TMEM163: variants seen among roughly 807,000 people sequenced by gnomAD.
TMEM163 encodes transmembrane protein 163.
TMEM163 carries 17 observed loss-of-function variants against 29.3 expected under a neutral mutation model. The ratio of observed to expected loss-of-function variants is 0.58; its 90% confidence interval spans 0.40 to 0.87. The LOEUF (loss-of-function observed/expected upper bound fraction) is 0.87, where lower values mean the gene tolerates loss of function less well. Among genes scored for constraint, TMEM163 ranks in the 40% least tolerant of loss-of-function variants. The probability of loss-of-function intolerance (pLI) is 0.00; values close to 1 mark genes in which losing one functional copy is unlikely to be tolerated. For missense variants in TMEM163, 303 were observed against 381.5 expected, an observed-to-expected ratio of 0.79 and a Z score of 1.71; for synonymous variants, 157 against 160.6, an observed-to-expected ratio of 0.98 and a Z score of 0.17.
At chr2:134,714,490 C>T (rs1404972287) in intron 1 of TMEM163, among the ~76,000 whole-genome samples, 1 of 152,168 alleles carries the variant, frequency 6.6e-6, no homozygotes, top group Non-Finnish European at 1.5e-5. Flanking sequence ...CTCCAGTTGC[C>T]AAAAACCACA....
chr2:134,655,832 T>TG (rs1323334082), intron 2 of TMEM163, among the ~76,000 whole-genome samples: 1 of 141,334 alleles, frequency 7.1e-6, no homozygotes, highest in African/African-American at 3.0e-5. Context: ...CTGCCCCTGC[T>TG]GGGGGGTGCC....
At chr2:134,499,164 CT>C (rs1218025428) in intron 5 of TMEM163, among the ~76,000 whole-genome samples, 1 of 151,142 alleles carries the variant, frequency 6.6e-6, no homozygotes, top group Non-Finnish European at 1.5e-5. Flanking sequence ...ACCATTTTTA[CT>C]TGTTAATTAA....
At chr2:134,615,453 C>G (rs537248450) in intron 2 of TMEM163, among the ~76,000 whole-genome samples, 15 of 152,236 alleles carry the variant, frequency 9.9e-5, no homozygotes, top group African/African-American at 3.6e-4. Context: ...TAGCAGCAGA[C>G]CATCCACATC....
chr2:134,599,400 A>T (rs1682172783), intron 2 of TMEM163, among the ~76,000 whole-genome samples: 2 of 152,162 alleles, frequency 1.3e-5, no homozygotes, highest in South Asian at 4.1e-4. Flanking sequence ...TGATTAGGTC[A>T]TGAGGGTGGG....
intron 2 of TMEM163, among the ~76,000 whole-genome samples, chr2:134,625,506 G>C (rs1411383409): frequency 6.6e-6 from 1 of 152,220 alleles, no homozygotes; most frequent in Non-Finnish European, 1.5e-5. Context: ...CTGAGTCAGA[G>C]TCCGGAAGCA....
intron 4 of TMEM163, among the ~76,000 whole-genome samples, chr2:134,533,717 C>T (rs961292266): frequency 1.1e-4 from 17 of 152,146 alleles, no homozygotes; most frequent in Middle Eastern, 3.2e-3. Context: ...CCCGTGGCCT[C>T]CTACTGCTCC....
At chr2:134,682,131 T>G (rs977514649) in intron 2 of TMEM163, among the ~76,000 whole-genome samples, 14 of 152,196 alleles carry the variant, frequency 9.2e-5, no homozygotes, top group Admixed American at 8.5e-4. Flanking sequence ...GTTTTCTCAA[T>G]TCTCCCAGGC....
At position 134,502,954 on chromosome 2, in the gene TMEM163, A is replaced by G. The variant is rs766953910; in HGVS notation, c.502T>C (p.Cys168Arg). The G allele has an allele frequency of 3.7e-6, 6 of 1,614,064 alleles. No homozygotes were observed. Residue 168 changes from cysteine (C) to arginine (R), a missense_variant, in exon 5 of 8, where the codon TGT becomes CGT. Physicochemically the swap from Cys to Arg is radical, Grantham distance 180. Around this residue, in one of 2 missense-constraint regions of TMEM163, gnomAD observed 203 missense variants for 294.3 expected, o/e 0.69. Coordinates refer to ENST00000281924, the MANE Select transcript of TMEM163 (RefSeq NM_030923.5). ...LGVIFLLSSICIVVKAIHDLS... is the reference protein window; with the variant it reads ...LGVIFLLSSIRIVVKAIHDLS... ...TCATGGATGGCTTTGACCACTATAC[A>G]TATGGATGACAGAAGGAATATCACC... is the stretch of plus-strand genomic sequence containing the variant.
chr2:134,655,902 C>G lies in TMEM163; in HGVS notation c.322+57298G>C, dbSNP rs28838333. On this transcript the variant is annotated intron_variant, in intron 2 of 7. Transcript: ENST00000281924. The stretch of plus-strand genomic sequence containing the variant: ...GACCCACTTGAGGAGGCAGTCTGCC[C>G]GTTCTCAGATCTCCAGCTGTGTGCT... Among the ~76,000 whole-genome samples, 168 of 135,218 alleles carry G rather than the reference C, an allele frequency of 1.2e-3. 13 individuals carry two copies. Among genetic ancestry groups the G allele is most frequent in the African/African-American group, 4.8e-3 (148 of 30,966 alleles). 88.7% of individuals were successfully genotyped at this position (135,218 alleles called of 152,430 possible). A position where few individuals can be genotyped will look rare whatever the true frequency, so the allele number is the denominator to read the frequency against.
At chr2:134,628,554 A>G (rs1682901835) in intron 2 of TMEM163, among the ~76,000 whole-genome samples, 1 of 152,258 alleles carries the variant, frequency 6.6e-6, no homozygotes. Flanking sequence ...CAGTCATACA[A>G]GCACTCTCTG....
At chr2:134,594,087 C>T (rs995272135) in intron 2 of TMEM163, among the ~76,000 whole-genome samples, 12 of 152,046 alleles carry the variant, frequency 7.9e-5, no homozygotes, top group Admixed American at 3.9e-4. Context: ...TCTTGAACAA[C>T]GGAAAAGACA....
chr2:134,620,350 G>A (rs902987484), intron 2 of TMEM163, among the ~76,000 whole-genome samples: 37 of 151,718 alleles, frequency 2.4e-4, no homozygotes, highest in East Asian at 7.8e-4. Flanking sequence ...TCCACCTCCC[G>A]GGTTCAAGCG....
intron 2 of TMEM163, among the ~76,000 whole-genome samples, chr2:134,565,323 T>C (rs1007545365): frequency 6.6e-6 from 1 of 151,340 alleles, no homozygotes; most frequent in Non-Finnish European, 1.5e-5. Flanking sequence ...TACATACTTA[T>C]GGCTGGGTGC....
At chr2:134,521,080 C>A (rs544617581) in intron 4 of TMEM163, among the ~76,000 whole-genome samples, 2 of 151,878 alleles carry the variant, frequency 1.3e-5, no homozygotes, top group East Asian at 3.9e-4. Context: ...CTCACTGCAA[C>A]CTCCACCTCC....
intron 2 of TMEM163, among the ~76,000 whole-genome samples, chr2:134,581,675 T>C (rs1361878042): frequency 2.0e-5 from 3 of 152,148 alleles, no homozygotes; most frequent in Non-Finnish European, 4.4e-5. Flanking sequence ...AGAAAACAAG[T>C]TCAAAAGTCA....
chr2:134,550,488 G>A, intron 4 of TMEM163, 82 bp downstream of exon 4: 2 of 1,338,810 alleles, frequency 1.5e-6, no homozygotes, highest in African/African-American at 1.4e-5. Flanking sequence ...AAAGCTGCAG[G>A]GCAAGCTGTG....
intron 2 of TMEM163, among the ~76,000 whole-genome samples, chr2:134,579,468 GACAGACTCACTGTCCAAATGA>G (rs1681641155): frequency 6.6e-6 from 1 of 152,170 alleles, no homozygotes; most frequent in South Asian, 2.1e-4. Flanking sequence ...AAGCTTTTTG[GACAGACTCACTGTCCAAATGA>G]ACAGACTCAC....
At chr2:134,622,390 G>A (rs1239322375) in intron 2 of TMEM163, among the ~76,000 whole-genome samples, 1 of 152,188 alleles carries the variant, frequency 6.6e-6, no homozygotes, top group Admixed American at 6.5e-5. Context: ...TGTACAGGAA[G>A]AATGCTAATT....
At chr2:134,564,444 G>A (rs1219392042) in intron 2 of TMEM163, among the ~76,000 whole-genome samples, 2 of 152,130 alleles carry the variant, frequency 1.3e-5, no homozygotes, top group Admixed American at 1.3e-4. Flanking sequence ...TAGAATATTG[G>A]CATGGAGTTT....
Sources: allele counts gnomAD v4.1 joint callset (sites outside exome capture counted in the v4.1 genomes callset), GRCh38; gene constraint gnomAD v4.1.1; regional missense constraint gnomAD v4.1.1; transcripts MANE v1.5; gene names NCBI Gene and HGNC (gene_info 2026-07-23, HGNC 2026-07-21).